Variants in SS18L2 observed in about 807,000 individuals in gnomAD.
SS18L2 encodes the protein SS18-like protein 2.
Under a neutral mutation model 10.3 loss-of-function variants are expected in SS18L2, and 8 were observed. That is an observed-to-expected ratio of 0.78 (90% CI 0.46 to 1.41). The LOEUF is 1.41. Among genes scored for constraint, SS18L2 ranks in the 40% most tolerant of loss-of-function variants. SS18L2 has a pLI of 0.00. For missense variants in SS18L2, 100 were observed against 96.2 expected (o/e 1.04, Z -0.17); for synonymous variants, 41 against 34.6 (o/e 1.19, Z -0.65).
chr3:42,591,485 G>T (rs1228207104), intron 1 of SS18L2, 40 bp from the exon 2 acceptor site: 10 of 1,512,474 alleles, frequency 6.6e-6, no homozygotes, highest in Non-Finnish European at 6.4e-6. Context: ...GAGCCACTGC[G>T]CCCGGCCTGC....
upstream of SS18L2, among the ~76,000 whole-genome samples, chr3:42,588,455 T>A (rs909103376): frequency 1.3e-5 from 2 of 152,096 alleles, no homozygotes; most frequent in Admixed American, 6.6e-5. Flanking sequence ...TCAAAACATG[T>A]ATGTCCCAGT....
upstream of SS18L2, chr3:42,590,830 C>T: frequency 6.5e-7 from 1 of 1,536,136 alleles, no homozygotes; most frequent in Non-Finnish European, 9.0e-7. Flanking sequence ...CAATCAACTT[C>T]GAGAGCGTAG....
At chr3:42,582,711 T>C (rs1460745001) in intron 1 of SS18L2, among the ~76,000 whole-genome samples, 1 of 152,052 alleles carries the variant, frequency 6.6e-6, no homozygotes, top group Non-Finnish European at 1.5e-5. Context: ...TTTGGGAGAA[T>C]TTACAGAAGC....
chr3:42,589,825 A>G (rs1169874387), upstream of SS18L2, among the ~76,000 whole-genome samples: 4 of 152,188 alleles, frequency 2.6e-5, no homozygotes, highest in Non-Finnish European at 4.4e-5. Context: ...GCTGGGGACC[A>G]CTGGTCTAGA....
chr3:42,596,365 C>G lies in SS18L2; in HGVS notation c.*1856C>G, dbSNP rs1705030289. Among the ~76,000 whole-genome samples the G allele has an allele frequency of 6.6e-6, 1 of 152,226 alleles. No individual in the cohort carries two copies. Among genetic ancestry groups the G allele is most frequent in the Non-Finnish European group, 1.5e-5 (1 of 68,038 alleles). ...GAAAATTATTTTGTCTGTTTCCCCA[C>G]TAGCATTCCTGATGGTTTTCCAGAG... On this transcript the variant is annotated 3_prime_UTR_variant, in exon 3 of 3. Transcript: ENST00000011691.
In SS18L2 at chr3:42,596,216, T is replaced by C. The variant is rs147125447; in HGVS notation, c.*1707T>C. 8.4e-4 allele frequency among the ~76,000 whole-genome samples: 128 copies of C among 152,222 alleles called. No individual in the cohort carries two copies. The highest frequency in any genetic ancestry group is 3.0e-3 in the African/African-American group (124 of 41,548). The stretch of plus-strand genomic sequence containing the variant: ...TTGGTATTTTTAGTAGAGACGGGGT[T>C]TCTCCATGTTGGTCAGGCTGGTCTC... On this transcript the variant is annotated 3_prime_UTR_variant, in exon 3 of 3. Coordinates refer to ENST00000011691, the MANE Select transcript of SS18L2 (RefSeq NM_001370300.1).
At chr3:42,582,014 G>T (rs2125732167) in intron 1 of SS18L2, 1 of 152,408 alleles carries the variant, frequency 6.6e-6, no homozygotes, top group African/African-American at 2.4e-5. Context: ...CCCCTACCCC[G>T]CATTCGCTGC....
chr3:42,589,894 T>C (rs903338197), upstream of SS18L2, among the ~76,000 whole-genome samples: 1 of 152,070 alleles, frequency 6.6e-6, no homozygotes, highest in African/African-American at 2.4e-5. Flanking sequence ...CCCAAGAAGG[T>C]ATGTCCAGCT....
chr3:42,590,140 T>C (rs1281054028), upstream of SS18L2, among the ~76,000 whole-genome samples: 1 of 152,232 alleles, frequency 6.6e-6, no homozygotes, highest in African/African-American at 2.4e-5. Context: ...GTCCAGGCTA[T>C]GTGGAAAAAC....
At chr3:42,585,948 TC>T (rs1056825015), upstream of SS18L2, among the ~76,000 whole-genome samples, 2 of 149,824 alleles carry the variant, frequency 1.3e-5, no homozygotes, top group African/African-American at 2.5e-5. Context: ...CAACCCCCCC[TC>T]CCCCGCTTGC....
chr3:42,591,537 A>C lies in SS18L2; in HGVS notation c.82A>C (p.Asn28His), dbSNP rs768317935. The C allele has an allele frequency of 6.2e-7, 1 of 1,613,860 alleles. No individual in the cohort carries two copies. Among genetic ancestry groups the C allele is most frequent in the Non-Finnish European group, 8.5e-7 (1 of 1,179,752 alleles). The part of the protein sequence containing the change: ...QETIQRLLEE[N>H]DQLIRCIVEY... ...TCTGATCTTTCAGCTCCTTGAGGAG[A>C]ATGACCAGCTGATCCGCTGTATTGT... is the stretch of plus-strand genomic sequence containing the variant. The change falls in exon 2 of 3, where the codon AAT (asparagine) becomes CAT (histidine). Residue 28 changes from asparagine to histidine, a missense_variant. Asn to His is a moderately conservative substitution (Grantham distance 68). Coordinates refer to ENST00000011691, the MANE Select transcript of SS18L2 (RefSeq NM_001370300.1).
chr3:42,586,400 T>A (rs1319671519), upstream of SS18L2, among the ~76,000 whole-genome samples: 1 of 152,092 alleles, frequency 6.6e-6, no homozygotes, highest in Non-Finnish European at 1.5e-5. Context: ...TTTTTGTATT[T>A]TTAGTAGAGA....
chr3:42,590,749 T>A, upstream of SS18L2: 1 of 835,190 alleles, frequency 1.2e-6, no homozygotes, highest in Non-Finnish European at 2.0e-6. Flanking sequence ...AGGAAAGCGC[T>A]GAGTATAGCT....
upstream of SS18L2, among the ~76,000 whole-genome samples, chr3:42,589,226 A>C (rs1335357093): frequency 6.6e-6 from 1 of 151,752 alleles, no homozygotes; most frequent in African/African-American, 2.4e-5. Context: ...CCGAGATCAC[A>C]CCACTGCACT....
upstream of SS18L2, chr3:42,590,691 A>C: frequency 1.6e-6 from 1 of 621,244 alleles, no homozygotes; most frequent in African/African-American, 1.8e-5. Flanking sequence ...AGACTGCGCA[A>C]GCGCAAAGGA....
chr3:42,596,122 A>G lies in SS18L2; in HGVS notation c.*1613A>G, dbSNP rs2125743345. ...CTGCAACCTCTACCTCCTGGGTTCA[A>G]GTGATTCTCCTGCCTCAGCCTCCCA... On this transcript the variant is annotated 3_prime_UTR_variant, in exon 3 of 3. Coordinates refer to ENST00000011691, the MANE Select transcript of SS18L2 (RefSeq NM_001370300.1). Among the ~76,000 whole-genome samples, 1 of 152,020 alleles carries G rather than the reference A, an allele frequency of 6.6e-6. No individual in the cohort carries two copies. Among genetic ancestry groups the G allele is most frequent in the East Asian group, 1.9e-4 (1 of 5,166 alleles).
intron 1 of SS18L2, chr3:42,591,201 C>CTTTTTTT (rs71616053): frequency 0.026 from 12,565 of 482,910 alleles, 186 homozygotes; most frequent in African/African-American, 0.056. Context: ...CCTTTCTCTC[C>CTTTTTTT]TTTTTTTTTT....
At chr3:42,593,408 C>T (rs1704924437) in intron 2 of SS18L2, among the ~76,000 whole-genome samples, 1 of 152,166 alleles carries the variant, frequency 6.6e-6, no homozygotes, top group African/African-American at 2.4e-5. Flanking sequence ...CAGAGCAAGA[C>T]TCCGTCTCAA....
upstream of SS18L2, among the ~76,000 whole-genome samples, chr3:42,590,126 A>G (rs186065852): frequency 2.9e-4 from 44 of 152,340 alleles, 1 homozygote; most frequent in African/African-American, 9.1e-4. Flanking sequence ...CCTGCCCCAA[A>G]TAAGTCCAGG....
Sources: allele counts gnomAD v4.1 joint callset (sites outside exome capture counted in the v4.1 genomes callset), GRCh38; gene constraint gnomAD v4.1.1; transcripts MANE v1.5; gene names NCBI Gene and HGNC (gene_info 2026-07-23, HGNC 2026-07-21).